GALNT13: variants seen among roughly 807,000 people sequenced by gnomAD.
The protein encoded by GALNT13 is polypeptide N-acetylgalactosaminyltransferase 13, also known as UDP-GalNAc:polypeptide N-acetylgalactosaminyltransferase 13.
In GALNT13, 28 loss-of-function variants were observed where a neutral mutation model predicts 64.2. The observed-to-expected ratio is 0.44, with a 90% confidence interval of 0.32 to 0.60. GALNT13 has a LOEUF of 0.60. Among genes scored for constraint, GALNT13 ranks in the 20% least tolerant of loss-of-function variants. The pLI is 0.05. For synonymous variants in GALNT13, 214 were observed against 224.6 expected (o/e 0.95, Z 0.42); for missense variants, 577 against 669.8 (o/e 0.86, Z 1.53).
the GALNT13 span, among the ~76,000 whole-genome samples, chr2:153,132,112 C>A: frequency 1.1e-4 from 17 of 152,140 alleles, no homozygotes; most frequent in Non-Finnish European, 2.1e-4. Flanking sequence ...TTCAGAAGAA[C>A]CCACAAAAGA....
intron 9 of GALNT13, among the ~76,000 whole-genome samples, chr2:154,326,326 CAA>C (rs35753554): frequency 0.042 from 3,953 of 94,998 alleles, 153 homozygotes; most frequent in African/African-American, 0.11. Flanking sequence ...GGGATTTCTG[CAA>C]AAAAAAAAAA....
the GALNT13 span, among the ~76,000 whole-genome samples, chr2:153,434,480 C>T: frequency 6.6e-6 from 1 of 152,332 alleles, no homozygotes; most frequent in South Asian, 2.1e-4. Context: ...TCCACATCCT[C>T]TCCAGCACCT....
At chr2:154,380,794 G>T (rs1305242115) in intron 9 of GALNT13, among the ~76,000 whole-genome samples, 4 of 152,040 alleles carry the variant, frequency 2.6e-5, no homozygotes, top group Non-Finnish European at 2.9e-5. Flanking sequence ...CAATTAATGT[G>T]TTGATGGGGG....
At chr2:154,390,132 G>C (rs954663679) in intron 9 of GALNT13, among the ~76,000 whole-genome samples, 1 of 152,150 alleles carries the variant, frequency 6.6e-6, no homozygotes, top group African/African-American at 2.4e-5. Flanking sequence ...GTGTCATTAT[G>C]ATCTTCCATC....
the GALNT13 span, among the ~76,000 whole-genome samples, chr2:153,195,376 G>A: frequency 6.6e-6 from 1 of 152,170 alleles, no homozygotes; most frequent in Non-Finnish European, 1.5e-5. Context: ...CAAACATTGA[G>A]CAGCCAGGGG....
intron 4 of GALNT13, among the ~76,000 whole-genome samples, chr2:154,155,137 A>G (rs562700237): frequency 6.6e-6 from 1 of 152,208 alleles, no homozygotes; most frequent in African/African-American, 2.4e-5. Flanking sequence ...GTAATTCTCA[A>G]CTTGAAAATA....
chr2:153,137,606 T>C, the GALNT13 span, among the ~76,000 whole-genome samples: 1 of 152,094 alleles, frequency 6.6e-6, no homozygotes, highest in Non-Finnish European at 1.5e-5. Context: ...TAAATTATTT[T>C]TCTAGTCCTG....
intron 4 of GALNT13, among the ~76,000 whole-genome samples, chr2:154,237,462 C>G (rs952726354): frequency 4.7e-5 from 7 of 148,300 alleles, no homozygotes; most frequent in Non-Finnish European, 9.0e-5. Context: ...TGTTGTTGTT[C>G]TTGTTTGTTT....
the GALNT13 span, among the ~76,000 whole-genome samples, chr2:153,119,655 T>C: frequency 6.6e-5 from 10 of 152,242 alleles, no homozygotes; most frequent in Non-Finnish European, 1.3e-4. Context: ...TTTCTGAAAC[T>C]GTGACAAGCC....
the GALNT13 span, among the ~76,000 whole-genome samples, chr2:153,507,741 C>A: frequency 2.6e-5 from 4 of 152,126 alleles, no homozygotes; most frequent in South Asian, 4.2e-4. Flanking sequence ...TGCTAAAGAA[C>A]CTTGTTTTGT....
intron 4 of GALNT13, among the ~76,000 whole-genome samples, chr2:154,185,489 T>G (rs1273296132): frequency 6.6e-6 from 1 of 151,960 alleles, no homozygotes; most frequent in African/African-American, 2.4e-5. Flanking sequence ...GTATACATAT[T>G]AATTCACTTG....
the GALNT13 span, among the ~76,000 whole-genome samples, chr2:153,295,489 T>C: frequency 6.7e-6 from 1 of 150,366 alleles, no homozygotes; most frequent in Non-Finnish European, 1.5e-5. Flanking sequence ...AGGAGTAATC[T>C]GCCAATGATG....
At chr2:154,028,537 A>G (rs1217180069) in intron 3 of GALNT13, among the ~76,000 whole-genome samples, 4 of 152,096 alleles carry the variant, frequency 2.6e-5, no homozygotes, top group Non-Finnish European at 4.4e-5. Flanking sequence ...CCAAATCTCA[A>G]AAATACTCAG....
chr2:153,981,324 G>C (rs544531855), intron 3 of GALNT13, among the ~76,000 whole-genome samples: 2 of 151,976 alleles, frequency 1.3e-5, no homozygotes, highest in African/African-American at 4.8e-5. Flanking sequence ...CCATTAACTC[G>C]TCATTTACGT....
At chr2:154,154,159 A>T (rs1018238448) in intron 4 of GALNT13, among the ~76,000 whole-genome samples, 14 of 152,222 alleles carry the variant, frequency 9.2e-5, no homozygotes, top group Non-Finnish European at 1.6e-4. Context: ...GAAATACTCA[A>T]TTATTTAAAC....
At chr2:154,371,920 G>C (rs992682725) in intron 9 of GALNT13, among the ~76,000 whole-genome samples, 5 of 151,916 alleles carry the variant, frequency 3.3e-5, no homozygotes, top group African/African-American at 1.2e-4. Context: ...ATTTAATACA[G>C]AACTTTCCAA....
At chr2:153,648,376 G>A in the GALNT13 span, among the ~76,000 whole-genome samples, 1 of 152,116 alleles carries the variant, frequency 6.6e-6, no homozygotes, top group Non-Finnish European at 1.5e-5. Context: ...CTGAGACGAT[G>A]GCATTTTCTG....
chr2:154,066,320 CATA>C (rs1309947046), intron 3 of GALNT13, among the ~76,000 whole-genome samples: 2 of 151,966 alleles, frequency 1.3e-5, no homozygotes, highest in African/African-American at 4.8e-5. Flanking sequence ...TTTTTAAAAG[CATA>C]ATAACGGAGA....
At chr2:153,727,406 T>TTTTTTTC in the GALNT13 span, among the ~76,000 whole-genome samples, 2 of 152,126 alleles carry the variant, frequency 1.3e-5, no homozygotes, top group East Asian at 1.9e-4. Flanking sequence ...ATTTGGTACT[T>TTTTTTTC]TTTTTTATTC....
Sources: gnomAD v4.1 joint callset for allele counts (sites outside exome capture counted in the v4.1 genomes callset) on GRCh38, gnomAD v4.1.1 for gene constraint, MANE v1.5 for transcripts, NCBI Gene and HGNC (gene_info 2026-07-23, HGNC 2026-07-21) for gene names.